The following GPR158 variants were observed in gnomAD, a reference collection of about 807,000 sequenced individuals.
GPR158 encodes the protein metabotropic glycine receptor.
In GPR158, 30 loss-of-function variants were observed where a neutral mutation model predicts 78.2. The observed-to-expected ratio is 0.38, with a 90% CI of 0.29 to 0.52. The LOEUF is 0.52. Ranked by LOEUF, GPR158 falls within the 20% of genes least tolerant of loss-of-function variation. GPR158 has a pLI of 0.83. For missense variants in GPR158, 1,463 were observed against 1,523.5 expected (o/e 0.96, Z 0.66); for synonymous variants, 581 against 591.1 (o/e 0.98, Z 0.25).
intron 2 of GPR158, among the ~76,000 whole-genome samples, chr10:25,257,385 T>G (rs937503243): frequency 3.9e-5 from 6 of 152,228 alleles, no homozygotes; most frequent in Non-Finnish European, 8.8e-5. Context: ...GGAATGCCTC[T>G]TAATACATTT....
intron 1 of GPR158, among the ~76,000 whole-genome samples, chr10:25,204,370 G>A (rs2130659428): frequency 6.6e-6 from 1 of 152,272 alleles, no homozygotes; most frequent in South Asian, 2.1e-4. Context: ...TGCCCATTCA[G>A]TATGATATTG....
intron 5 of GPR158, among the ~76,000 whole-genome samples, chr10:25,477,652 C>T (rs1835606991): frequency 1.3e-5 from 2 of 151,744 alleles, no homozygotes; most frequent in African/African-American, 4.8e-5. Flanking sequence ...CCCTTTAGAG[C>T]CATTTGGATT....
chr10:25,304,852 A>G (rs890658113), intron 2 of GPR158, among the ~76,000 whole-genome samples: 1 of 152,202 alleles, frequency 6.6e-6, no homozygotes, highest in Non-Finnish European at 1.5e-5. Context: ...ATAAGGGATG[A>G]TACTGGTAAT....
At chr10:25,283,777 T>G (rs1854308995) in intron 2 of GPR158, among the ~76,000 whole-genome samples, 1 of 152,066 alleles carries the variant, frequency 6.6e-6, no homozygotes, top group Non-Finnish European at 1.5e-5. Context: ...CTACTTTTGC[T>G]GAATTCAATC....
In GPR158 at chr10:25,589,024, T is replaced by C; in HGVS notation, c.1771T>C (p.Leu591=). The change falls in exon 8 of 11, where the codon TTG becomes CTG. Residue 591 remains leucine (L), a synonymous_variant. Transcript: ENST00000376351. ...MTAVAEFLFL[L]WGVYLCYAVR... ...TTTCACAGCTGAATTTTTATTCCTCTTGTGGGGTGTTTATCTCTGCTATGC... is the reference window on the plus strand; with the variant it reads ...TTTCACAGCTGAATTTTTATTCCTCCTGTGGGGTGTTTATCTCTGCTATGC... 1.9e-6 allele frequency: 3 copies of C among 1,578,938 alleles called. No homozygotes were observed. Among genetic ancestry groups the C allele is most frequent in the Non-Finnish European group, 2.6e-6 (3 of 1,155,848 alleles).
intron 2 of GPR158, among the ~76,000 whole-genome samples, chr10:25,241,311 T>TTTCTTTTCTCTTCTTTTCTCTTCTC (rs1554787218): frequency 9.6e-6 from 1 of 104,596 alleles, no homozygotes; most frequent in African/African-American, 4.4e-5. Flanking sequence ...TTTCTTTTCT[T>TTTCTTTTCTCTTCTTTTCTCTTCTC]TTCTCTTCTC....
intron 2 of GPR158, among the ~76,000 whole-genome samples, chr10:25,242,575 G>A (rs111481064): frequency 0.018 from 2,684 of 152,284 alleles, 61 homozygotes; most frequent in African/African-American, 0.052. Flanking sequence ...AGCTTTGTGG[G>A]TGACTTTTGG....
intron 4 of GPR158, among the ~76,000 whole-genome samples, chr10:25,441,538 A>T (rs767523758): frequency 2.6e-5 from 4 of 152,168 alleles, no homozygotes; most frequent in Non-Finnish European, 5.9e-5. Flanking sequence ...TAAATCTATT[A>T]TGCAATCAAT....
intron 2 of GPR158, among the ~76,000 whole-genome samples, chr10:25,299,882 G>A (rs919931717): frequency 2.0e-5 from 3 of 151,774 alleles, no homozygotes; most frequent in Admixed American, 1.3e-4. Flanking sequence ...GCTGGAGTGC[G>A]GTATCATGAT....
chr10:25,445,743 AG>A (rs1308903243), intron 4 of GPR158, among the ~76,000 whole-genome samples: 1 of 151,848 alleles, frequency 6.6e-6, no homozygotes, highest in Admixed American at 6.6e-5. Flanking sequence ...AGAGAGAGAG[AG>A]GAGAGAGGGG....
At chr10:25,457,378 G>A (rs1835305068) in intron 4 of GPR158, among the ~76,000 whole-genome samples, 1 of 151,632 alleles carries the variant, frequency 6.6e-6, no homozygotes, top group African/African-American at 2.4e-5. Flanking sequence ...ATTTAAGAAT[G>A]TACAATAACC....
intron 4 of GPR158, among the ~76,000 whole-genome samples, chr10:25,448,021 C>T (rs1431790380): frequency 2.6e-5 from 4 of 151,896 alleles, no homozygotes; most frequent in Non-Finnish European, 4.4e-5. Context: ...ATTAGCTCTG[C>T]TTGTCCTAGA....
At chr10:25,461,626 T>C (rs1451215641) in intron 4 of GPR158, among the ~76,000 whole-genome samples, 1 of 152,032 alleles carries the variant, frequency 6.6e-6, no homozygotes, top group Non-Finnish European at 1.5e-5. Flanking sequence ...AGCACGTCAC[T>C]CAGAAGATCT....
chr10:25,247,316 T>C lies in GPR158; in HGVS notation c.1008+26159T>C, dbSNP rs7475640. On this transcript the variant is annotated intron_variant, in intron 2 of 10. Transcript: ENST00000376351. ...AAATTCAATTTATTCTTTTTTTTTT[T>C]CTTTTTTTTTTATTATACTTTAAGT... is the stretch of plus-strand genomic sequence containing the variant. Among the ~76,000 whole-genome samples the C allele has an allele frequency of 1.2e-3, 176 of 149,818 alleles. 2 individuals carry two copies. In the East Asian group the frequency reaches 0.031, roughly 26 times the overall value.
At chr10:25,212,440 C>T (rs2130671243) in intron 1 of GPR158, among the ~76,000 whole-genome samples, 1 of 152,204 alleles carries the variant, frequency 6.6e-6, no homozygotes, top group South Asian at 2.1e-4. Context: ...CGATCACCCC[C>T]CACCAGGCCC....
At chr10:25,594,039 A>G (rs1837371933) in intron 8 of GPR158, among the ~76,000 whole-genome samples, 1 of 152,128 alleles carries the variant, frequency 6.6e-6, no homozygotes, top group South Asian at 2.1e-4. Context: ...ATACAAAATA[A>G]TAATCTTGGG....
chr10:25,559,969 G>A (rs1158744333), intron 6 of GPR158, among the ~76,000 whole-genome samples: 1 of 152,208 alleles, frequency 6.6e-6, no homozygotes, highest in Non-Finnish European at 1.5e-5. Flanking sequence ...ATATAGTGGT[G>A]TGCGAAGGGA....
At chr10:25,545,424 T>G (rs193234737) in intron 5 of GPR158, among the ~76,000 whole-genome samples, 39 of 152,270 alleles carry the variant, frequency 2.6e-4, no homozygotes, top group African/African-American at 9.1e-4. Flanking sequence ...TGGTATCTCA[T>G]TGTGGTTTTG....
chr10:25,302,067 CTTTTTTT>C (rs200536212), intron 2 of GPR158, among the ~76,000 whole-genome samples: 10 of 133,970 alleles, frequency 7.5e-5, no homozygotes, highest in Non-Finnish European at 1.4e-4. Flanking sequence ...TAATTTGTTC[CTTTTTTT>C]TTTTTTTTTT....
Sources: allele counts gnomAD v4.1 joint callset (sites outside exome capture counted in the v4.1 genomes callset), GRCh38; gene constraint gnomAD v4.1.1; transcripts MANE v1.5; gene names NCBI Gene and HGNC (gene_info 2026-07-23, HGNC 2026-07-21).